The following MRPL34 variants were observed in gnomAD, a reference collection of about 807,000 sequenced individuals.
The protein encoded by MRPL34 is mitochondrial ribosomal protein L34, also known as large ribosomal subunit protein bL34m.
MRPL34 carries 8 observed loss-of-function variants against 6.7 expected under a neutral mutation model. That is an observed-to-expected ratio of 1.20 (90% CI 0.70 to 2.16). The LOEUF (loss-of-function observed/expected upper bound fraction) is 2.16, where lower values mean the gene tolerates loss of function less well. Among genes scored for constraint, MRPL34 ranks in the 30% most tolerant of loss-of-function variants. The pLI, the probability that MRPL34 is intolerant of heterozygous loss-of-function variation, is 0.00. For missense variants in MRPL34, 146 were observed against 125.5 expected (o/e 1.16, Z -0.78); for synonymous variants, 59 against 55.1 (o/e 1.07, Z -0.31).
upstream of MRPL34, chr19:17,301,345 A>AGCAACCGCCCATTGCGGTACAC: frequency 6.2e-7 from 1 of 1,609,344 alleles, no homozygotes; most frequent in Non-Finnish European, 8.5e-7. Context: ...GTTTTCCACC[A>AGCAACCGCCCATTGCGGTACAC]GCAACCGCCC....
At chr19:17,294,007 G>A (rs1462365148) in intron 1 of MRPL34, among the ~76,000 whole-genome samples, 1 of 152,116 alleles carries the variant, frequency 6.6e-6, no homozygotes, top group Non-Finnish European at 1.5e-5. Flanking sequence ...CCGCTGTGAG[G>A]AGAGCCTTCT....
upstream of MRPL34, chr19:17,305,586 A>C: frequency 2.5e-6 from 1 of 400,288 alleles, no homozygotes; most frequent in Non-Finnish European, 4.6e-6. Flanking sequence ...GGTCAATAGG[A>C]GAGAGAACTA....
At chr19:17,299,111 T>C (rs1282467535), upstream of MRPL34, among the ~76,000 whole-genome samples, 2 of 151,988 alleles carry the variant, frequency 1.3e-5, no homozygotes, top group Admixed American at 1.3e-4. Context: ...TGATTACATA[T>C]GCTAATGGGA....
At chr19:17,301,423 G>A (rs370070131), upstream of MRPL34, 8 of 1,612,016 alleles carry the variant, frequency 5.0e-6, no homozygotes, top group African/African-American at 2.7e-5. Flanking sequence ...GGCTGCATCC[G>A]AGGATGCGGA....
upstream of MRPL34, among the ~76,000 whole-genome samples, chr19:17,304,923 G>A (rs765257228): frequency 6.6e-6 from 1 of 152,092 alleles, no homozygotes; most frequent in Non-Finnish European, 1.5e-5. Flanking sequence ...GAGACTATAG[G>A]TGGTTGCTAC....
upstream of MRPL34, chr19:17,301,168 C>A (rs989023450): frequency 6.2e-7 from 1 of 1,606,992 alleles, no homozygotes; most frequent in Non-Finnish European, 8.5e-7. Flanking sequence ...GCGCCTGGCT[C>A]GCCGCCGCCG....
Position 17,306,457 on chromosome 19 carries a change from G to A in MRPL34, c.*78G>A. 2 of 1,336,876 alleles carry A rather than the reference G, an allele frequency of 1.5e-6. No individual in the cohort carries two copies. The highest frequency in any genetic ancestry group is 2.0e-6 in the Non-Finnish European group (2 of 994,062). The allele number at this position is 1,336,876 out of a possible 1,614,324, so 82.8% of individuals were successfully genotyped here. A position where few individuals can be genotyped will look rare whatever the true frequency, so the allele number is the denominator to read the frequency against. ...ACCTTGCCTGGCGCTATTTTTGCAGGGAGCTGGGGAGCAGGAACGCCTCGG... is the reference window on the plus strand; with the variant it reads ...ACCTTGCCTGGCGCTATTTTTGCAGAGAGCTGGGGAGCAGGAACGCCTCGG... On this transcript the variant is annotated 3_prime_UTR_variant, in exon 2 of 2. Coordinates refer to ENST00000252602, the MANE Select transcript of MRPL34 (RefSeq NM_023937.4).
upstream of MRPL34, among the ~76,000 whole-genome samples, chr19:17,305,241 CTTTTTT>C (rs34823570): frequency 8.3e-6 from 1 of 121,212 alleles, no homozygotes; most frequent in East Asian, 2.3e-4. Flanking sequence ...ATTTTTCTTC[CTTTTTT>C]TTTTTTTTTT....
intron 1 of MRPL34, among the ~76,000 whole-genome samples, chr19:17,295,884 A>AT (rs528756326): frequency 4.7e-4 from 71 of 152,074 alleles, no homozygotes; most frequent in Admixed American, 2.6e-3. Flanking sequence ...ATTTTTAAAA[A>AT]TTTTTTTATA....
chr19:17,292,703 A>C, exon 1 of MRPL34: 1 of 1,612,968 alleles, frequency 6.2e-7, no homozygotes, highest in African/African-American at 1.3e-5. Flanking sequence ...GCTCCGGTAG[A>C]GCCTTGGGCG....
upstream of MRPL34, chr19:17,303,001 C>T (rs2145662331): frequency 6.6e-6 from 1 of 152,312 alleles, no homozygotes; most frequent in African/African-American, 2.4e-5. Flanking sequence ...GGCCATGCCC[C>T]CCACCTCGAG....
At chr19:17,294,227 G>GC in intron 1 of MRPL34, 1 of 1,556,020 alleles carries the variant, frequency 6.4e-7, no homozygotes, top group Non-Finnish European at 8.7e-7. Context: ...CAGAGGCCAC[G>GC]CCCCTCCCGG....
exon 1 of MRPL34, chr19:17,292,742 G>A (rs767553181): frequency 2.0e-5 from 33 of 1,613,664 alleles, no homozygotes; most frequent in Non-Finnish European, 2.5e-5. Flanking sequence ...GCAGGAATTC[G>A]TGGAGCAGCG....
upstream of MRPL34, chr19:17,305,578 T>G: frequency 8.7e-6 from 3 of 344,412 alleles, no homozygotes; most frequent in South Asian, 2.6e-5. Flanking sequence ...CCTCTGCCGG[T>G]CAATAGGAGA....
intron 1 of MRPL34, chr19:17,294,883 G>T: frequency 1.9e-6 from 3 of 1,601,816 alleles, no homozygotes; most frequent in Non-Finnish European, 2.6e-6. Context: ...GGATTGAAGG[G>T]AGGCGGTCAG....
chr19:17,299,131 C>A (rs975816246), upstream of MRPL34, among the ~76,000 whole-genome samples: 4 of 151,964 alleles, frequency 2.6e-5, no homozygotes, highest in Non-Finnish European at 5.9e-5. Flanking sequence ...AGTTTTCAGC[C>A]TGGTATAGCG....
upstream of MRPL34, chr19:17,301,064 C>T (rs369129606): frequency 6.2e-7 from 1 of 1,613,480 alleles, no homozygotes; most frequent in African/African-American, 1.3e-5. Context: ...AGGGAACCGC[C>T]GACACCATGG....
At chr19:17,306,100 G>A in intron 1 of MRPL34, 66 bp from the exon 2 acceptor site, 1 of 1,491,384 alleles carries the variant, frequency 6.7e-7, no homozygotes, top group Non-Finnish European at 9.0e-7. Context: ...GAGGCTCAGA[G>A]AGGTTGAGCG....
chr19:17,303,750 C>T (rs185530171), upstream of MRPL34, among the ~76,000 whole-genome samples: 2 of 152,206 alleles, frequency 1.3e-5, no homozygotes. Flanking sequence ...CCCTGTTCCT[C>T]TCCAAACGAG....
Sources: allele counts gnomAD v4.1 joint callset (sites outside exome capture counted in the v4.1 genomes callset), GRCh38; gene constraint gnomAD v4.1.1; transcripts MANE v1.5; gene names NCBI Gene and HGNC (gene_info 2026-07-23, HGNC 2026-07-21).